The following ZBTB41 variants were observed in gnomAD, a reference collection of about 807,000 sequenced individuals.
The protein encoded by ZBTB41 is zinc finger and BTB domain containing 41, also known as zinc finger and BTB domain-containing protein 41.
Under a neutral mutation model 87.6 loss-of-function variants are expected in ZBTB41, and 42 were observed. The observed-to-expected ratio is 0.48, with a 90% CI of 0.37 to 0.62. The LOEUF is 0.62. Among genes scored for constraint, ZBTB41 ranks in the 20% least tolerant of loss-of-function variants. ZBTB41 has a pLI of 0.00. For synonymous variants in ZBTB41, 364 were observed against 364.0 expected, an observed-to-expected ratio of 1.00 and a Z score of 0.00; for missense variants, 799 against 1,078.9, an observed-to-expected ratio of 0.74 and a Z score of 3.63.
rs1231122113 is a variant in ZBTB41 at position 197,154,121 on chromosome 1, G to A, written c.*5238C>T. 1 of 152,312 alleles carries A rather than the reference G, an allele frequency of 6.6e-6. No homozygotes were observed. The highest frequency in any genetic ancestry group is 6.6e-5 in the Admixed American group (1 of 15,254). 9.4% of individuals were successfully genotyped at this position (152,312 alleles called of 1,614,324 possible). On this transcript the variant is annotated 3_prime_UTR_variant, in exon 11 of 11. Transcript: ENST00000367405. ...CAATAGGGATAAGAAGAGTTCAATC[G>A]TTAGAAGGAATAAAAATTTTGTAAT...
Position 197,199,682 on chromosome 1 carries a change from A to G in ZBTB41, c.792T>C (p.Asp264=). 1 of 1,613,578 alleles carries G rather than the reference A, an allele frequency of 6.2e-7. No individual in the cohort carries two copies. Among genetic ancestry groups the G allele is most frequent in the African/African-American group, 1.3e-5 (1 of 75,006 alleles). ...KRNRKCPVKF[D]DTSDDEQESG... Reference sequence around the variant, plus strand: ...TTTCCTGTTCATCATCGCTGGTGTCATCAAACTTAACAGGGCACTTCCGAT... The same window carrying G: ...TTTCCTGTTCATCATCGCTGGTGTCGTCAAACTTAACAGGGCACTTCCGAT... Residue 264 remains aspartate (D), a synonymous_variant, in exon 2 of 11, where the codon GAT becomes GAC. Coordinates refer to ENST00000367405, the MANE Select transcript of ZBTB41 (RefSeq NM_194314.3).
intron 10 of ZBTB41, among the ~76,000 whole-genome samples, chr1:197,161,125 C>G (rs527380165): frequency 6.6e-6 from 1 of 152,186 alleles, no homozygotes; most frequent in Non-Finnish European, 1.5e-5. Context: ...AGAAATACAG[C>G]TCTACCAAAC....
Position 197,159,046 on chromosome 1 carries a change from C to A in ZBTB41, c.*313G>T. ...GAGACTAAAGAAGAATAAAAATTTC[C>A]ACTGATGATTAAAAAAAATACTTCC... On this transcript the variant is annotated 3_prime_UTR_variant, in exon 11 of 11. Transcript: ENST00000367405. 3 of 260,322 alleles carry A rather than the reference C, an allele frequency of 1.2e-5. No individual in the cohort carries two copies. The highest frequency in any genetic ancestry group is 2.0e-4 in the East Asian group (2 of 10,218). 16.1% of individuals were successfully genotyped at this position (260,322 alleles called of 1,614,324 possible).
At chr1:197,163,811 C>T (rs1047117825) in intron 10 of ZBTB41, among the ~76,000 whole-genome samples, 1 of 151,844 alleles carries the variant, frequency 6.6e-6, no homozygotes, top group Admixed American at 6.6e-5. Flanking sequence ...AAAACAAGCT[C>T]CAAAACCAAA....
At chr1:197,188,217 C>G in intron 5 of ZBTB41, 75 bp downstream of exon 5, 2 of 1,520,250 alleles carry the variant, frequency 1.3e-6, no homozygotes, top group Non-Finnish European at 1.8e-6. Flanking sequence ...AGTAATTCAG[C>G]TATAGAAGGC....
In ZBTB41 at chr1:197,199,495, C is replaced by A. The variant is rs10494751; in HGVS notation, c.979G>T (p.Asp327Tyr). 22,684 of 1,612,602 alleles carry A rather than the reference C, an allele frequency of 0.014. 2,451 individuals are homozygous for A. The African/African-American group carries it at 0.25, about 18-fold the overall frequency. ...GGTTCTTCTTCTGCATCATTATGAT[C>A]CTTTTCACTTTGTTCTTCAATGTCA... ...YSDIEEQSEK[D>Y]HNDAEEEPEA... Residue 327 changes from aspartate to tyrosine, a missense_variant, in exon 2 of 11, where the codon GAT becomes TAT. Around this residue, in one of 5 missense-constraint regions of ZBTB41, gnomAD observed 294 missense variants for 340.1 expected, o/e 0.86. Coordinates refer to ENST00000367405, the MANE Select transcript of ZBTB41 (RefSeq NM_194314.3).
At chr1:197,163,658 C>G (rs971525390) in intron 10 of ZBTB41, among the ~76,000 whole-genome samples, 1 of 151,604 alleles carries the variant, frequency 6.6e-6, no homozygotes, top group Non-Finnish European at 1.5e-5. Flanking sequence ...CACACACACA[C>G]AGAAACACTC....
At chr1:197,190,712 A>AC (rs1450124082) in intron 4 of ZBTB41, 50 bp downstream of exon 4, 1 of 1,146,980 alleles carries the variant, frequency 8.7e-7, no homozygotes, top group East Asian at 2.5e-5. Context: ...TCCCCAAAAG[A>AC]CGTTGCATTT....
In ZBTB41 at chr1:197,159,019, A is replaced by G. The variant is rs1659133949; in HGVS notation, c.*340T>C. ...AGGGCTAGGAAGAAGAAGGAGAGGA[A>G]TGAGACTAAAGAAGAATAAAAATTT... On this transcript the variant is annotated 3_prime_UTR_variant, in exon 11 of 11. Transcript: ENST00000367405. The G allele has an allele frequency of 4.3e-6, 1 of 231,150 alleles. No homozygotes were observed. The highest frequency in any genetic ancestry group is 8.5e-6 in the Non-Finnish European group (1 of 117,974). 14.3% of individuals were successfully genotyped at this position (231,150 alleles called of 1,614,324 possible).
chr1:197,194,618 G>GAAAAAAAAAAAAAAAAAAAAA (rs71131750), intron 2 of ZBTB41, among the ~76,000 whole-genome samples: 1 of 135,832 alleles, frequency 7.4e-6, no homozygotes, highest in African/African-American at 2.7e-5. Flanking sequence ...ATTTAAGCAA[G>GAAAAAAAAAAAAAAAAAAAAA]AAAAAAAAAA....
rs777121478 is a variant in ZBTB41 at position 197,160,042 on chromosome 1, G to A, written c.2075-28C>T. ...ATATGAATGAACAAGAATATAATTA[G>A]ATGTAAAATGTACTCAACTTGATAA... On this transcript the variant is annotated intron_variant, in intron 10 of 10. Coordinates refer to ENST00000367405, the MANE Select transcript of ZBTB41 (RefSeq NM_194314.3). 7.1e-6 allele frequency: 11 copies of A among 1,560,118 alleles called. No homozygotes were observed. In the African/African-American group the frequency reaches 8.2e-5, roughly 12 times the overall value.
chr1:197,181,706 C>T (rs751117772), intron 5 of ZBTB41, among the ~76,000 whole-genome samples: 10 of 152,096 alleles, frequency 6.6e-5, no homozygotes, highest in Non-Finnish European at 1.5e-4. Context: ...AAGAAGATGT[C>T]TCAGTATATG....
chr1:197,160,472 G>T (rs1659174727), intron 10 of ZBTB41, among the ~76,000 whole-genome samples: 1 of 152,070 alleles, frequency 6.6e-6, no homozygotes, highest in Non-Finnish European at 1.5e-5. Context: ...CCCACGCAAG[G>T]AGGATAAAAA....
At chr1:197,190,284 TGA>T (rs1380164403) in intron 4 of ZBTB41, among the ~76,000 whole-genome samples, 1 of 152,112 alleles carries the variant, frequency 6.6e-6, no homozygotes, top group African/African-American at 2.4e-5. Context: ...TGAAAACAGC[TGA>T]GTGACTTCAG....
chr1:197,189,289 G>T (rs911593199), intron 4 of ZBTB41, among the ~76,000 whole-genome samples: 5 of 152,104 alleles, frequency 3.3e-5, no homozygotes. Flanking sequence ...ACTTTGGGAG[G>T]CCGAGACGGG....
At chr1:197,172,109 A>C (rs749498978) in intron 10 of ZBTB41, 51 bp downstream of exon 10, 22 of 697,880 alleles carry the variant, frequency 3.2e-5, no homozygotes, top group East Asian at 7.1e-5. Context: ...ATTACACTAT[A>C]TATATCTCTC....
chr1:197,175,404 A>C lies in ZBTB41; in HGVS notation c.1880-289T>G, dbSNP rs562014239. Reference sequence around the variant, plus strand: ...TCAATGTAACAGAGCAAGATAAACGAAACTACTTCAAAACTTAGGAATTTT... The same window carrying C: ...TCAATGTAACAGAGCAAGATAAACGCAACTACTTCAAAACTTAGGAATTTT... On this transcript the variant is annotated intron_variant, in intron 8 of 10. Transcript: ENST00000367405. Among the ~76,000 whole-genome samples the C allele has an allele frequency of 9.7e-5, 11 of 112,930 alleles. No individual in the cohort carries two copies. The East Asian group carries it at 2.8e-3, about 29-fold the overall frequency. The allele number at this position is 112,930 out of a possible 152,430, so 74.1% of individuals were successfully genotyped here. A position where few individuals can be genotyped will look rare whatever the true frequency, so the allele number is the denominator to read the frequency against.
Position 197,188,432 on chromosome 1 carries a change from T to C in ZBTB41, c.1406A>G (p.Lys469Arg). The C allele has an allele frequency of 1.3e-6, 2 of 1,597,700 alleles. No individual in the cohort carries two copies. Among genetic ancestry groups the C allele is most frequent in the East Asian group, 4.5e-5 (2 of 44,578 alleles). Residue 469 changes from lysine to arginine, a missense_variant, in exon 5 of 11, where the codon AAG becomes AGG. Around this residue, in one of 5 missense-constraint regions of ZBTB41, gnomAD observed 198 missense variants for 358.4 expected, o/e 0.55. Coordinates refer to ENST00000367405, the MANE Select transcript of ZBTB41 (RefSeq NM_194314.3). ...KSESWKCDIC[K>R]KSFTRRPHLE... ...GTGTGGTCTTCGAGTAAAAGATTTCTTACAAATCTAAATTAAAATGCAAAC... is the reference window on the plus strand; with the variant it reads ...GTGTGGTCTTCGAGTAAAAGATTTCCTACAAATCTAAATTAAAATGCAAAC...
At chr1:197,171,400 TC>T (rs1659475131) in intron 10 of ZBTB41, among the ~76,000 whole-genome samples, 1 of 152,038 alleles carries the variant, frequency 6.6e-6, no homozygotes, top group Admixed American at 6.6e-5. Context: ...ATTTATGAAA[TC>T]ACTTATTTTT....
Sources: gnomAD v4.1 joint callset for allele counts (sites outside exome capture counted in the v4.1 genomes callset) on GRCh38, gnomAD v4.1.1 for gene constraint, gnomAD v4.1.1 regional missense constraint, MANE v1.5 for transcripts, NCBI Gene and HGNC (gene_info 2026-07-23, HGNC 2026-07-21) for gene names.